Variants in PIP5K1C observed in about 807,000 individuals in gnomAD.
PIP5K1C encodes the protein phosphatidylinositol 4-phosphate 5-kinase type-1 gamma.
PIP5K1C carries 45 observed loss-of-function variants against 80.1 expected under a neutral mutation model. The ratio of observed to expected loss-of-function variants is 0.56; its 90% confidence interval spans 0.44 to 0.72. The LOEUF (loss-of-function observed/expected upper bound fraction) is 0.72. PIP5K1C is among the 30% of genes least tolerant of loss of function. PIP5K1C has a pLI of 0.00. For synonymous variants in PIP5K1C, 498 were observed against 420.1 expected (o/e 1.19, Z -2.27); for missense variants, 753 against 954.6 (o/e 0.79, Z 2.78).
In PIP5K1C at chr19:3,653,545, C is replaced by A; in HGVS notation, c.666G>T (p.Gly222=). Residue 222 remains glycine (G), a synonymous_variant, in exon 7 of 18, where the codon GGG becomes GGT. Coordinates refer to ENST00000335312, the MANE Select transcript of PIP5K1C (RefSeq NM_012398.3). The part of the protein sequence containing the change: ...NPRTLLPKFY[G]LYCVQSGGKN... ...TGCCCCCCGACTGCACGCAGTACAGCCCATAGAACTTGGGCAGCAGCGTCC... is the reference window on the plus strand; with the variant it reads ...TGCCCCCCGACTGCACGCAGTACAGACCATAGAACTTGGGCAGCAGCGTCC... 6.2e-7 allele frequency: 1 copy of A among 1,612,242 alleles called. No individual in the cohort carries two copies. The highest frequency in any genetic ancestry group is 1.1e-5 in the South Asian group (1 of 91,084).
rs2034340118 is a variant in PIP5K1C at position 3,648,770 on chromosome 19, G to C, written c.1128-62C>G. On this transcript the variant is annotated intron_variant, in intron 8 of 17. Transcript: ENST00000335312. The surrounding 1 kb of genome is among the most constrained non-coding windows in gnomAD (Gnocchi z 4.3). ...CAGAGCTGGGACTCGGGGCAGGCGG[G>C]GCTGGGGACTCCAGGGCTAGGGAGT... The C allele has an allele frequency of 4.2e-6, 6 of 1,429,920 alleles. No homozygotes were observed. Among genetic ancestry groups the C allele is most frequent in the Non-Finnish European group, 5.9e-6 (6 of 1,015,400 alleles). 88.6% of individuals were successfully genotyped at this position (1,429,920 alleles called of 1,614,324 possible).
At chr19:3,651,773 G>C in intron 8 of PIP5K1C, 53 bp downstream of exon 8, 1 of 1,544,844 alleles carries the variant, frequency 6.5e-7, no homozygotes, top group Non-Finnish European at 8.9e-7. Flanking sequence ...TGGGGAACTG[G>C]AGCCTGTGGG....
At chr19:3,675,844 AC>A (rs1029417941) in intron 1 of PIP5K1C, among the ~76,000 whole-genome samples, 1 of 151,776 alleles carries the variant, frequency 6.6e-6, no homozygotes, top group African/African-American at 2.4e-5. Context: ...TGCCAGGGGC[AC>A]CCCCCAGCTG....
chr19:3,684,068 G>A (rs150795372), intron 1 of PIP5K1C, among the ~76,000 whole-genome samples: 5 of 152,180 alleles, frequency 3.3e-5, no homozygotes, highest in Admixed American at 6.5e-5. Flanking sequence ...CAGAGCAGAT[G>A]CTTCGGTGCC....
Position 3,632,447 on chromosome 19 carries a change from G to A in PIP5K1C, c.*720C>T, listed in dbSNP as rs932022053. The stretch of plus-strand genomic sequence containing the variant: ...TGGCAGCCTGGGGAAGAGGAGGCCT[G>A]GCCCTCCAGCTGTGGTGGGTCTGGA... On this transcript the variant is annotated 3_prime_UTR_variant, in exon 18 of 18. Coordinates refer to ENST00000335312, the MANE Select transcript of PIP5K1C (RefSeq NM_012398.3). The A allele has an allele frequency of 1.3e-4, 20 of 152,538 alleles. No homozygotes were observed. The highest frequency in any genetic ancestry group is 4.8e-4 in the African/African-American group (20 of 41,604). 9.4% of individuals were successfully genotyped at this position (152,538 alleles called of 1,614,324 possible).
intron 1 of PIP5K1C, among the ~76,000 whole-genome samples, chr19:3,699,275 C>A (rs2036220590): frequency 6.7e-6 from 1 of 149,322 alleles, no homozygotes; most frequent in African/African-American, 2.5e-5. Flanking sequence ...ACCGGGTCAC[C>A]TACCAAGCGG....
chr19:3,676,099 G>C (rs1034032124), intron 1 of PIP5K1C, among the ~76,000 whole-genome samples: 12 of 152,358 alleles, frequency 7.9e-5, no homozygotes, highest in African/African-American at 2.6e-4. Context: ...GAGGCTGGGA[G>C]AGGTGGAAGG....
Position 3,641,803 on chromosome 19 carries a change from C to A in PIP5K1C, c.1689G>T (p.Gln563His). 1.2e-6 allele frequency: 2 copies of A among 1,611,474 alleles called. No individual in the cohort carries two copies. The highest frequency in any genetic ancestry group is 1.7e-6 in the Non-Finnish European group (2 of 1,179,844). The change falls in exon 15 of 18, where the codon CAG becomes CAT. Residue 563 changes from glutamine (Q) to histidine (H), a missense_variant. By Grantham distance (24) the Gln-to-His change is conservative. Around this residue, in one of 6 missense-constraint regions of PIP5K1C, gnomAD observed 315 missense variants for 294.5 expected, o/e 1.07. Coordinates refer to ENST00000335312, the MANE Select transcript of PIP5K1C (RefSeq NM_012398.3). ...TQSSGQDGRP[Q>H]EEPPAEEDLQ... ...GATCCTCTTCCGCGGGTGGCTCCTCCTGCGGCCTGCAGGCAATGGGAGGTT... is the reference window on the plus strand; with the variant it reads ...GATCCTCTTCCGCGGGTGGCTCCTCATGCGGCCTGCAGGCAATGGGAGGTT...
chr19:3,688,951 T>TG lies in PIP5K1C; in HGVS notation c.94+11345dup, dbSNP rs1287071566. ...CCTGGGAGAGTGCCCGGGATGGGGC[T>TG]GGGGGGTGGGGGGGGCTTGGCGCAC... On this transcript the variant is annotated intron_variant, in intron 1 of 17. Transcript: ENST00000335312. The surrounding 1 kb of genome is among the most constrained non-coding windows in gnomAD (Gnocchi z 5.3). 3.0e-5 allele frequency among the ~76,000 whole-genome samples: 4 copies of TG among 134,978 alleles called. No individual in the cohort carries two copies. The highest frequency in any genetic ancestry group is 5.5e-5 in the African/African-American group (2 of 36,184). The allele number at this position is 134,978 out of a possible 152,430, so 88.6% of individuals were successfully genotyped here.
chr19:3,653,531 T>C lies in PIP5K1C; in HGVS notation c.680A>G (p.Gln227Arg), dbSNP rs1305811611. 1 of 1,613,674 alleles carries C rather than the reference T, an allele frequency of 6.2e-7. No individual in the cohort carries two copies. The highest frequency in any genetic ancestry group is 1.7e-5 in the Admixed American group (1 of 60,008). ...GACGCGGATGTTCTTGCCCCCCGAC[T>C]GCACGCAGTACAGCCCATAGAACTT... Reference protein sequence around the residue: ...LPKFYGLYCVQSGGKNIRVVV... With the variant: ...LPKFYGLYCVRSGGKNIRVVV... Residue 227 changes from glutamine to arginine, a missense_variant, in exon 7 of 18, where the codon CAG becomes CGG. Gln to Arg is a conservative substitution (Grantham distance 43). This residue lies in a region of PIP5K1C where 139 missense variants were observed against 289.7 expected (regional missense o/e 0.48). Coordinates refer to ENST00000335312, the MANE Select transcript of PIP5K1C (RefSeq NM_012398.3).
At position 3,653,337 on chromosome 19, in the gene PIP5K1C, C is replaced by T. The variant is rs761324448; in HGVS notation, c.874G>A (p.Ala292Thr). 11 of 1,611,166 alleles carry T rather than the reference C, an allele frequency of 6.8e-6. No individual in the cohort carries two copies. Among genetic ancestry groups the T allele is most frequent in the African/African-American group, 2.7e-5 (2 of 74,938 alleles). The change falls in exon 7 of 18, where the codon GCC becomes ACC. Residue 292 changes from alanine to threonine, a missense_variant. Coordinates refer to ENST00000335312, the MANE Select transcript of PIP5K1C (RefSeq NM_012398.3). ...TTGACCAGGGCGCTGAAGGTGTCGG[C>T]GTCCAGCAGGAGCCCCTCGGGCATG... The part of the protein sequence containing the change: ...QDMPEGLLLD[A>T]DTFSALVKTL...
chr19:3,674,464 T>C (rs1197659323), intron 1 of PIP5K1C, among the ~76,000 whole-genome samples: 1 of 151,988 alleles, frequency 6.6e-6, no homozygotes, highest in African/African-American at 2.4e-5. Flanking sequence ...GCGATTCTCC[T>C]GCCTCAGCCT....
intron 3 of PIP5K1C, among the ~76,000 whole-genome samples, 171 bp downstream of exon 3, chr19:3,664,651 C>T (rs962413823): frequency 1.3e-5 from 2 of 152,244 alleles, no homozygotes; most frequent in East Asian, 3.8e-4. Flanking sequence ...AACAGTGGGG[C>T]CTCATGCAGG....
chr19:3,636,712 G>A (rs2033702436), intron 16 of PIP5K1C: 4 of 986,282 alleles, frequency 4.1e-6, no homozygotes, highest in Non-Finnish European at 1.2e-6. Flanking sequence ...ACAGTGCCTG[G>A]CACACAGAGG....
At chr19:3,651,107 T>C (rs901248244) in intron 8 of PIP5K1C, among the ~76,000 whole-genome samples, 2 of 144,596 alleles carry the variant, frequency 1.4e-5, no homozygotes, top group African/African-American at 5.2e-5. Context: ...CAAGCTGGAG[T>C]GCAGTGGTGT....
chr19:3,665,493 C>T (rs575486305), intron 2 of PIP5K1C, among the ~76,000 whole-genome samples: 33 of 152,154 alleles, frequency 2.2e-4, no homozygotes, highest in African/African-American at 5.3e-4. Flanking sequence ...GGGAACAGAG[C>T]GGGGGTCAGG....
chr19:3,688,582 T>A lies in PIP5K1C; in HGVS notation c.94+11715A>T, dbSNP rs780992894. 6.6e-6 allele frequency among the ~76,000 whole-genome samples: 1 copy of A among 151,944 alleles called. No individual in the cohort carries two copies. On this transcript the variant is annotated intron_variant, in intron 1 of 17. Coordinates refer to ENST00000335312, the MANE Select transcript of PIP5K1C (RefSeq NM_012398.3). This position sits in a 1 kb window ranked among gnomAD's most constrained non-coding sequence, Gnocchi z 5.3. ...TCCACTGAGAGCCGCGTGTGTTTTTTGCGGTTTTGCTGGTGATTCTGCTGC... is the reference window on the plus strand; with the variant it reads ...TCCACTGAGAGCCGCGTGTGTTTTTAGCGGTTTTGCTGGTGATTCTGCTGC...
intron 5 of PIP5K1C, among the ~76,000 whole-genome samples, chr19:3,659,284 C>T (rs535285834): frequency 1.3e-5 from 2 of 152,346 alleles, no homozygotes; most frequent in Admixed American, 6.5e-5. Context: ...TGCTCAGCAC[C>T]GGAGGCCCCC....
chr19:3,638,851 G>C (rs370729928), intron 16 of PIP5K1C, 33 bp downstream of exon 16: 28 of 1,612,332 alleles, frequency 1.7e-5, no homozygotes, highest in Non-Finnish European at 2.4e-5. Flanking sequence ...TCCGGTTGAC[G>C]AGCCGGCGGC....
Sources: allele counts gnomAD v4.1 joint callset (sites outside exome capture counted in the v4.1 genomes callset), GRCh38; gene constraint gnomAD v4.1.1; regional missense constraint gnomAD v4.1.1; non-coding constraint Gnocchi (gnomAD v3.1); transcripts MANE v1.5; gene names NCBI Gene and HGNC (gene_info 2026-07-23, HGNC 2026-07-21).